Variants in FRMD4B observed in about 807,000 individuals in gnomAD.
The protein encoded by FRMD4B is FERM domain-containing protein 4B.
In FRMD4B, 74 loss-of-function variants were observed where a neutral mutation model predicts 141.5. The ratio of observed to expected loss-of-function variants is 0.52; its 90% CI spans 0.43 to 0.63. FRMD4B has a LOEUF of 0.63. Ranked by LOEUF, FRMD4B falls within the 30% of genes least tolerant of loss-of-function variation. The pLI is 0.00. For missense variants in FRMD4B, 1,366 were observed against 1,253.4 expected, an observed-to-expected ratio of 1.09 and a Z score of -1.36; for synonymous variants, 506 against 467.9, an observed-to-expected ratio of 1.08 and a Z score of -1.05.
At chr3:69,340,483 G>C (rs1268659408) in intron 1 of FRMD4B, among the ~76,000 whole-genome samples, 5 of 152,176 alleles carry the variant, frequency 3.3e-5, no homozygotes, top group Non-Finnish European at 7.4e-5. Context: ...TGCGAAGGAT[G>C]TGATCTTGTT....
chr3:69,200,103 A>G (rs1039419941), intron 11 of FRMD4B, among the ~76,000 whole-genome samples: 6 of 152,358 alleles, frequency 3.9e-5, no homozygotes, highest in African/African-American at 1.4e-4. Context: ...ATGCACTATC[A>G]GCAAAACCAT....
intron 7 of FRMD4B, among the ~76,000 whole-genome samples, chr3:69,227,450 G>A (rs948775801): frequency 1.3e-5 from 2 of 152,056 alleles, no homozygotes; most frequent in Non-Finnish European, 2.9e-5. Context: ...ATCACCTGAG[G>A]TCAGGAGTTC....
chr3:69,237,541 G>C (rs1194647222), intron 7 of FRMD4B, among the ~76,000 whole-genome samples: 1 of 152,188 alleles, frequency 6.6e-6, no homozygotes, highest in Non-Finnish European at 1.5e-5. Context: ...GGCTACAGGT[G>C]TGAGCATGCA....
chr3:69,184,054 C>A (rs1226772437), intron 19 of FRMD4B, among the ~76,000 whole-genome samples: 1 of 151,974 alleles, frequency 6.6e-6, no homozygotes, highest in African/African-American at 2.4e-5. Flanking sequence ...CACCACCATG[C>A]CTGGCTAATG....
intron 5 of FRMD4B, among the ~76,000 whole-genome samples, chr3:69,272,391 C>G (rs1205713916): frequency 6.6e-6 from 1 of 152,188 alleles, no homozygotes; most frequent in Non-Finnish European, 1.5e-5. Context: ...AACTCCTGGC[C>G]TCAGGTGATC....
chr3:69,205,748 A>G lies in FRMD4B; in HGVS notation c.877-6974T>C, dbSNP rs1358750644. ...GAGAACTATATGGCCCTAAATGTCT[A>G]TGGTGCTGAGATTGGGAAACCCTGA... On this transcript the variant is annotated intron_variant, in intron 11 of 22. Transcript: ENST00000398540. Among the ~76,000 whole-genome samples, 6 of 152,224 alleles carry G rather than the reference A, an allele frequency of 3.9e-5. No homozygotes were observed. In the East Asian group the frequency reaches 5.8e-4, roughly 15 times the overall value.
At chr3:69,415,925 C>T (rs1704851406) in intron 2 of FRMD4B, among the ~76,000 whole-genome samples, 1 of 152,182 alleles carries the variant, frequency 6.6e-6, no homozygotes, top group Non-Finnish European at 1.5e-5. Flanking sequence ...GTAGTACTGG[C>T]TATTATTCAT....
rs58143332 is a variant in FRMD4B, at chr3:69,461,623, C to CA, written c.-128-28863dup. On this transcript the variant is annotated intron_variant, in intron 1 of 5. Transcript: ENST00000459638. ...TGGAGGACAAAGTGAGACTCTGTCTCAAAAAAAAAAAAAAAAAAAAAAAAA... is the reference window on the plus strand; with the variant it reads ...TGGAGGACAAAGTGAGACTCTGTCTCAAAAAAAAAAAAAAAAAAAAAAAAAA... 9.9e-3 allele frequency among the ~76,000 whole-genome samples: 431 copies of CA among 43,372 alleles called. 69 individuals are homozygous for CA. Among genetic ancestry groups the CA allele is most frequent in the Admixed American group, 0.027 (70 of 2,576 alleles). The allele number at this position is 43,372 out of a possible 152,430, so 28.5% of individuals were successfully genotyped here.
intron 1 of FRMD4B, among the ~76,000 whole-genome samples, chr3:69,364,672 A>T (rs903195199): frequency 6.6e-6 from 1 of 152,174 alleles, no homozygotes; most frequent in Non-Finnish European, 1.5e-5. Flanking sequence ...CCCAAATGAG[A>T]CAAATGACAG....
At chr3:69,354,465 T>G (rs1682604247) in intron 1 of FRMD4B, among the ~76,000 whole-genome samples, 1 of 152,166 alleles carries the variant, frequency 6.6e-6, no homozygotes, top group African/African-American at 2.4e-5. Flanking sequence ...AATATAACCA[T>G]AAGATTAAAT....
intron 1 of FRMD4B, among the ~76,000 whole-genome samples, chr3:69,470,795 A>C (rs531676964): frequency 7.9e-5 from 12 of 151,866 alleles, no homozygotes; most frequent in Admixed American, 2.0e-4. Flanking sequence ...AATCTGTTTT[A>C]TTTGGGCATG....
At chr3:69,184,809 C>T (rs1185099227) in intron 19 of FRMD4B, among the ~76,000 whole-genome samples, 1 of 152,200 alleles carries the variant, frequency 6.6e-6, no homozygotes, top group East Asian at 1.9e-4. Context: ...CCACTAGCCA[C>T]ATGTGGCTGC....
chr3:69,348,978 A>G (rs886787683), intron 1 of FRMD4B, among the ~76,000 whole-genome samples: 2 of 152,234 alleles, frequency 1.3e-5, no homozygotes, highest in Non-Finnish European at 2.9e-5. Context: ...GGCCAGGGCA[A>G]TCAGGCAGGA....
intron 1 of FRMD4B, among the ~76,000 whole-genome samples, chr3:69,475,156 T>C (rs1482634305): frequency 6.6e-6 from 1 of 152,140 alleles, no homozygotes; most frequent in Non-Finnish European, 1.5e-5. Context: ...GTCTGAGGTG[T>C]CATAAGCTAA....
intron 1 of FRMD4B, among the ~76,000 whole-genome samples, chr3:69,446,673 C>G (rs1705415427): frequency 6.6e-6 from 1 of 152,136 alleles, no homozygotes; most frequent in Non-Finnish European, 1.5e-5. Flanking sequence ...TTTCAATGTT[C>G]TCCCTCTACT....
chr3:69,454,580 G>A (rs1705556185), intron 1 of FRMD4B, among the ~76,000 whole-genome samples: 1 of 152,202 alleles, frequency 6.6e-6, no homozygotes, highest in African/African-American at 2.4e-5. Flanking sequence ...TTAGCACCCA[G>A]GCCAGCAGCT....
chr3:69,357,513 AC>A (rs1703356409), intron 1 of FRMD4B, among the ~76,000 whole-genome samples: 1 of 152,210 alleles, frequency 6.6e-6, no homozygotes, highest in East Asian at 1.9e-4. Context: ...GTGAGCTTGT[AC>A]ATATGTATTG....
At chr3:69,404,236 C>T (rs72939723) in intron 2 of FRMD4B, among the ~76,000 whole-genome samples, 5,472 of 152,148 alleles carry the variant, frequency 0.036, 332 homozygotes, top group African/African-American at 0.12. Context: ...TGAAGAAAAT[C>T]GCAAATAGAA....
At chr3:69,330,387 C>A (rs1702328671) in intron 1 of FRMD4B, among the ~76,000 whole-genome samples, 1 of 138,442 alleles carries the variant, frequency 7.2e-6, no homozygotes, top group Non-Finnish European at 1.5e-5. Flanking sequence ...TACTCTGTCA[C>A]CCAGGCGGGA....
Sources: gnomAD v4.1 joint callset for allele counts (sites outside exome capture counted in the v4.1 genomes callset) on GRCh38, gnomAD v4.1.1 for gene constraint, MANE v1.5 for transcripts, NCBI Gene and HGNC (gene_info 2026-07-23, HGNC 2026-07-21) for gene names.